NT5E: variants seen among roughly 807,000 people sequenced by gnomAD.
NT5E encodes the protein 5'-nucleotidase.
A neutral mutation model predicts 55.1 loss-of-function variants in NT5E; 53 were observed. The ratio of observed to expected loss-of-function variants is 0.96; its 90% CI spans 0.77 to 1.21. The LOEUF (loss-of-function observed/expected upper bound fraction) is 1.21. Ranked by LOEUF, NT5E falls within the 50% of genes most tolerant of loss-of-function variation. The probability of loss-of-function intolerance (pLI) is 0.00; values close to 1 mark genes in which losing one functional copy is unlikely to be tolerated. For synonymous variants in NT5E, 270 were observed against 278.4 expected, an observed-to-expected ratio of 0.97 and a Z score of 0.30; for missense variants, 683 against 724.3, an observed-to-expected ratio of 0.94 and a Z score of 0.65.
Position 85,485,361 on chromosome 6 carries a change from A to C in NT5E, c.878A>C (p.Glu293Ala), listed in dbSNP as rs778761194. 1 of 1,614,180 alleles carries C rather than the reference A, an allele frequency of 6.2e-7. No individual in the cohort carries two copies. Among genetic ancestry groups the C allele is most frequent in the Non-Finnish European group, 8.5e-7 (1 of 1,180,024 alleles). Residue 293 changes from glutamate to alanine, a missense_variant, in exon 4 of 9, where the codon GAG becomes GCG. Glu to Ala is a moderately radical substitution (Grantham distance 107). Transcript: ENST00000257770. Reference sequence around the variant, plus strand: ...AAATACCTAGGCTATCTGAAGATCGAGTTTGATGAAAGAGGAAACGTCATC... The same window carrying C: ...AAATACCTAGGCTATCTGAAGATCGCGTTTGATGAAAGAGGAAACGTCATC... ...FGKYLGYLKI[E>A]FDERGNVISS...
At chr6:85,475,488 C>A (rs1769414068) in intron 3 of NT5E, among the ~76,000 whole-genome samples, 1 of 152,220 alleles carries the variant, frequency 6.6e-6, no homozygotes, top group Admixed American at 6.5e-5. Flanking sequence ...GAGAAGGGAA[C>A]TTCCCTCTAC....
At chr6:85,458,677 T>G (rs1028371377) in intron 1 of NT5E, among the ~76,000 whole-genome samples, 2 of 152,206 alleles carry the variant, frequency 1.3e-5, no homozygotes, top group African/African-American at 4.8e-5. Context: ...TAATTAGTTC[T>G]ATATATAATC....
At chr6:85,479,656 C>T (rs1769502195) in intron 3 of NT5E, among the ~76,000 whole-genome samples, 1 of 152,106 alleles carries the variant, frequency 6.6e-6, no homozygotes, top group South Asian at 2.1e-4. Flanking sequence ...GTCACAGTTA[C>T]CTCCTTTTTA....
intron 3 of NT5E, among the ~76,000 whole-genome samples, chr6:85,483,870 A>G (rs1769596235): frequency 6.6e-6 from 1 of 152,136 alleles, no homozygotes; most frequent in Non-Finnish European, 1.5e-5. Flanking sequence ...CTTTAGGGGA[A>G]AAAAAATACA....
chr6:85,450,822 G>C lies in NT5E; in HGVS notation c.339+344G>C, dbSNP rs1432554926. Among the ~76,000 whole-genome samples, 3 of 152,202 alleles carry C rather than the reference G, an allele frequency of 2.0e-5. No individual in the cohort carries two copies. The South Asian group carries it at 6.2e-4, about 31-fold the overall frequency. On this transcript the variant is annotated intron_variant, in intron 1 of 8. Coordinates refer to ENST00000257770, the MANE Select transcript of NT5E (RefSeq NM_002526.4). This position sits in a 1 kb window ranked among gnomAD's most constrained non-coding sequence, Gnocchi z 4.0. ...CTCACGCAGCTCTCATTTACTGCTA[G>C]ATCTTTCAAAGAATGCTTTATCTCA...
chr6:85,465,359 A>T (rs1769171778), intron 1 of NT5E, among the ~76,000 whole-genome samples: 1 of 152,240 alleles, frequency 6.6e-6, no homozygotes, highest in Non-Finnish European at 1.5e-5. Flanking sequence ...CATTCATTAA[A>T]AACAAAATAA....
chr6:85,487,467 G>A lies in NT5E; in HGVS notation c.1082G>A (p.Gly361Asp). 1 of 1,614,178 alleles carries A rather than the reference G, an allele frequency of 6.2e-7. No individual in the cohort carries two copies. The highest frequency in any genetic ancestry group is 8.5e-7 in the Non-Finnish European group (1 of 1,180,008). The change falls in exon 5 of 9, where the codon GGC (glycine) becomes GAC (aspartate). Residue 361 changes from glycine (G) to aspartate (D), a missense_variant. By Grantham distance (94) the Gly-to-Asp change is moderately conservative. Coordinates refer to ENST00000257770, the MANE Select transcript of NT5E (RefSeq NM_002526.4). ...QSCRFRECNM[G>D]NLICDAMINN... Reference sequence around the variant, plus strand: ...TGCCGCTTTAGAGAATGCAACATGGGCAACCTGATTTGTGATGCAATGGTA... The same window carrying A: ...TGCCGCTTTAGAGAATGCAACATGGACAACCTGATTTGTGATGCAATGGTA...
chr6:85,473,674 C>T (rs1769368613), intron 3 of NT5E, among the ~76,000 whole-genome samples: 1 of 152,202 alleles, frequency 6.6e-6, no homozygotes, highest in Non-Finnish European at 1.5e-5. Context: ...AAAACTTTCA[C>T]AAAGCACATG....
At chr6:85,492,235 G>A (rs1769801676) in intron 8 of NT5E, 58 bp downstream of exon 8, 2 of 1,537,720 alleles carry the variant, frequency 1.3e-6, no homozygotes, top group East Asian at 4.5e-5. Flanking sequence ...CCAAGAAGGG[G>A]AGCTACTAGT....
In NT5E at chr6:85,495,709, T is replaced by C. The variant is rs1404729645; in HGVS notation, c.*1705T>C. ...AAGTTTCCTAAATCTGTGTGTGTAT[T>C]GTGAAGTGGTATAAGAAATGACTTT... On this transcript the variant is annotated 3_prime_UTR_variant, in exon 9 of 9. Coordinates refer to ENST00000257770, the MANE Select transcript of NT5E (RefSeq NM_002526.4). 1 of 152,212 alleles carries C rather than the reference T, an allele frequency of 6.6e-6. No homozygotes were observed. The highest frequency in any genetic ancestry group is 1.5e-5 in the Non-Finnish European group (1 of 68,030). The allele number at this position is 152,212 out of a possible 1,614,324, so 9.4% of individuals were successfully genotyped here.
intron 3 of NT5E, among the ~76,000 whole-genome samples, chr6:85,479,137 A>G (rs1179463305): frequency 6.6e-6 from 1 of 152,236 alleles, no homozygotes; most frequent in Non-Finnish European, 1.5e-5. Context: ...AAAATTAACT[A>G]CTAATCCTAA....
chr6:85,477,074 C>T (rs1324820085), intron 3 of NT5E, among the ~76,000 whole-genome samples: 1 of 152,142 alleles, frequency 6.6e-6, no homozygotes, highest in Non-Finnish European at 1.5e-5. Flanking sequence ...TCTCTTATCA[C>T]AGGCCTCCTA....
intron 1 of NT5E, among the ~76,000 whole-genome samples, chr6:85,462,111 A>G (rs1769110110): frequency 6.6e-6 from 1 of 151,864 alleles, no homozygotes; most frequent in Non-Finnish European, 1.5e-5. Context: ...CTGTCCCCTC[A>G]GTGTCACCTC....
chr6:85,494,393 C>A lies in NT5E; in HGVS notation c.*389C>A. 1 of 189,112 alleles carries A rather than the reference C, an allele frequency of 5.3e-6. No individual in the cohort carries two copies. The allele number at this position is 189,112 out of a possible 1,614,324, so 11.7% of individuals were successfully genotyped here. ...TAAGCACACTGTCTCATTTGATATC[C>A]ACAACTTATTTTTGGTAGGAAAGAG... On this transcript the variant is annotated 3_prime_UTR_variant, in exon 9 of 9. Transcript: ENST00000257770.
intron 1 of NT5E, among the ~76,000 whole-genome samples, chr6:85,463,962 T>A (rs1769141158): frequency 6.6e-6 from 1 of 152,212 alleles, no homozygotes; most frequent in South Asian, 2.1e-4. Flanking sequence ...AGTAATTCTT[T>A]CATTCATTCA....
rs146166792 is a variant in NT5E at position 85,490,518 on chromosome 6, C to G, written c.1221C>G (p.Thr407=). Residue 407 remains threonine (T), a synonymous_variant, in exon 7 of 9, where the codon ACC becomes ACG. Coordinates refer to ENST00000257770, the MANE Select transcript of NT5E (RefSeq NM_002526.4). ...TGTGACTACCCTCAGGCACAATTAC[C>G]TGGGAGAACCTGGCTGCTGTATTGC... is the stretch of plus-strand genomic sequence containing the variant. The part of the protein sequence containing the change: ...PIDERNNGTI[T]WENLAAVLPF... 2.3e-3 allele frequency: 3,725 copies of G among 1,614,186 alleles called. 11 individuals are homozygous for G. The highest frequency in any genetic ancestry group is 2.4e-3 in the Non-Finnish European group (2,864 of 1,180,002).
chr6:85,492,876 G>A (rs1224784263), intron 8 of NT5E, among the ~76,000 whole-genome samples: 1 of 152,146 alleles, frequency 6.6e-6, no homozygotes, highest in East Asian at 1.9e-4. Context: ...GTCTTATCAT[G>A]CTGGACCTGT....
intron 1 of NT5E, among the ~76,000 whole-genome samples, chr6:85,458,190 G>A (rs11755509): frequency 8.7e-4 from 133 of 152,336 alleles, no homozygotes; most frequent in Non-Finnish European, 1.6e-3. Flanking sequence ...AGTTTGGGAA[G>A]CTTGAAAGAG....
rs1175431405 is a variant in NT5E at position 85,494,849 on chromosome 6, T to C, written c.*845T>C. On this transcript the variant is annotated 3_prime_UTR_variant, in exon 9 of 9. Coordinates refer to ENST00000257770, the MANE Select transcript of NT5E (RefSeq NM_002526.4). ...GGAAGAACAGGACTCCAGGACTGTT[T>C]TATATTATAGAAAAGCAAGAGCTAA... is the stretch of plus-strand genomic sequence containing the variant. The C allele has an allele frequency of 6.6e-6, 1 of 152,206 alleles. No individual in the cohort carries two copies. The highest frequency in any genetic ancestry group is 1.5e-5 in the Non-Finnish European group (1 of 68,046). 9.4% of individuals were successfully genotyped at this position (152,206 alleles called of 1,614,324 possible).
Sources: allele counts gnomAD v4.1 joint callset (sites outside exome capture counted in the v4.1 genomes callset), GRCh38; gene constraint gnomAD v4.1.1; non-coding constraint Gnocchi (gnomAD v3.1); transcripts MANE v1.5; gene names NCBI Gene and HGNC (gene_info 2026-07-23, HGNC 2026-07-21).